The following ZNF532 variants were observed in gnomAD, a reference collection of about 807,000 sequenced individuals.
ZNF532 encodes the protein zinc finger protein 532.
In ZNF532, 22 loss-of-function variants were observed where a neutral mutation model predicts 89.3. The observed-to-expected ratio is 0.25, with a 90% confidence interval of 0.18 to 0.35. The LOEUF (loss-of-function observed/expected upper bound fraction) is 0.35. ZNF532 is among the 10% of genes least tolerant of loss of function. The pLI, the probability that ZNF532 is intolerant of heterozygous loss-of-function variation, is 1.00. For synonymous variants in ZNF532, 606 were observed against 649.6 expected (o/e 0.93, Z 1.02); for missense variants, 1,132 against 1,643.4 (o/e 0.69, Z 5.38).
chr18:58,945,065 G>A (rs1029469970), intron 5 of ZNF532, among the ~76,000 whole-genome samples: 12 of 152,180 alleles, frequency 7.9e-5, no homozygotes, highest in African/African-American at 1.9e-4. Context: ...GTTGTTATGC[G>A]TGTCTTTCTC....
Position 58,920,478 on chromosome 18 carries a change from C to T in ZNF532, c.2191C>T (p.Pro731Ser), listed in dbSNP as rs557781613. The stretch of plus-strand genomic sequence containing the variant: ...CATAACTGGGACAGTCATATCGGCT[C>T]CTTCAAGCACTCCCATCACCCCAGC... ...SGITGTVISA[P>S]SSTPITPAMP... Residue 731 changes from proline (P) to serine (S), a missense_variant, in exon 3 of 10, where the codon CCT becomes TCT. Around this residue, in one of 9 missense-constraint regions of ZNF532, gnomAD observed 100 missense variants for 122.0 expected, o/e 0.82. Coordinates refer to ENST00000591808, the MANE Select transcript of ZNF532 (RefSeq NM_001375912.1). 5 of 1,613,940 alleles carry T rather than the reference C, an allele frequency of 3.1e-6. No homozygotes were observed. In the East Asian group the frequency reaches 6.7e-5, roughly 22 times the overall value.
At chr18:58,979,197 G>A (rs1421219936) in intron 8 of ZNF532, 30 bp downstream of exon 8, 1 of 1,582,422 alleles carries the variant, frequency 6.3e-7, no homozygotes, top group South Asian at 1.1e-5. Flanking sequence ...GGAACGCAGT[G>A]AGAGGACTCA....
intron 7 of ZNF532, among the ~76,000 whole-genome samples, chr18:58,964,535 T>TG (rs2065708267): frequency 1.4e-4 from 19 of 138,630 alleles, no homozygotes; most frequent in Admixed American, 8.0e-4. Flanking sequence ...GATATTTTGT[T>TG]TGTGTGTGTG....
rs1287185690 is a variant in ZNF532, at chr18:58,986,175, G to A, written c.*1709G>A. On this transcript the variant is annotated 3_prime_UTR_variant, in exon 10 of 10. Coordinates refer to ENST00000591808, the MANE Select transcript of ZNF532 (RefSeq NM_001375912.1). ...GTGAATTTCAGCTTGAAATTCCATT[G>A]CTGTTCCTTGTTTTGTTTGTATTGC... The A allele has an allele frequency of 6.6e-6, 1 of 152,618 alleles. No homozygotes were observed. The highest frequency in any genetic ancestry group is 1.5e-5 in the Non-Finnish European group (1 of 68,038). 9.5% of individuals were successfully genotyped at this position (152,618 alleles called of 1,614,324 possible).
At chr18:58,957,010 C>G (rs2064846479) in intron 7 of ZNF532, among the ~76,000 whole-genome samples, 1 of 152,104 alleles carries the variant, frequency 6.6e-6, no homozygotes, top group South Asian at 2.1e-4. Context: ...ATTAATAGAC[C>G]AAGAATGAGT....
chr18:58,971,061 G>T (rs1219425349), intron 7 of ZNF532, among the ~76,000 whole-genome samples: 1 of 152,158 alleles, frequency 6.6e-6, no homozygotes, highest in Non-Finnish European at 1.5e-5. Flanking sequence ...TTACTGTTCT[G>T]CGTCATTACT....
At chr18:58,875,007 A>G (rs1725073323) in intron 2 of ZNF532, among the ~76,000 whole-genome samples, 1 of 152,174 alleles carries the variant, frequency 6.6e-6, no homozygotes, top group African/African-American at 2.4e-5. Flanking sequence ...CACTTGAAAT[A>G]TGGCAAATCC....
At chr18:58,888,892 TA>T (rs1568249340) in intron 2 of ZNF532, among the ~76,000 whole-genome samples, 5 of 30,332 alleles carry the variant, frequency 1.6e-4, no homozygotes, top group African/African-American at 8.6e-4. Flanking sequence ...ATATATATTT[TA>T]TATATATATA....
intron 7 of ZNF532, among the ~76,000 whole-genome samples, chr18:58,956,823 C>A (rs1268805451): frequency 6.6e-6 from 1 of 152,096 alleles, no homozygotes; most frequent in Non-Finnish European, 1.5e-5. Context: ...TGTGGAATAC[C>A]ACTCTCTCCT....
rs538578433 is a variant in ZNF532 at position 58,926,454 on chromosome 18, T to C, written c.2346+5821T>C. Among the ~76,000 whole-genome samples the C allele has an allele frequency of 3.3e-5, 5 of 152,212 alleles. No homozygotes were observed. In the East Asian group the frequency reaches 5.8e-4, roughly 18 times the overall value. ...CTGGGTTCAAGAGATTCTCCTGCCT[T>C]AGCCTCCCGAGTAGCTGGGATTACA... On this transcript the variant is annotated intron_variant, in intron 3 of 9. Transcript: ENST00000591808.
chr18:58,938,197 C>A (rs1388838736), intron 4 of ZNF532, among the ~76,000 whole-genome samples: 1 of 152,132 alleles, frequency 6.6e-6, no homozygotes, highest in Non-Finnish European at 1.5e-5. Context: ...TGCAGTCTTC[C>A]TTCCCTGGGT....
chr18:58,911,492 G>A (rs991288546), intron 2 of ZNF532, among the ~76,000 whole-genome samples: 3 of 152,158 alleles, frequency 2.0e-5, no homozygotes, highest in African/African-American at 4.8e-5. Flanking sequence ...ACTTGGGAGG[G>A]GAGGCTGGAG....
At chr18:58,929,860 A>G (rs923318574) in intron 3 of ZNF532, among the ~76,000 whole-genome samples, 5 of 152,218 alleles carry the variant, frequency 3.3e-5, no homozygotes, top group Admixed American at 2.6e-4. Context: ...TCTCAGTGTG[A>G]AATTGGACAA....
intron 8 of ZNF532, 180 bp downstream of exon 8, chr18:58,979,347 A>T (rs554686232): frequency 4.3e-5 from 14 of 324,302 alleles, no homozygotes; most frequent in South Asian, 9.5e-5. Context: ...ATATGAAAAT[A>T]AAAAAAAAAG....
At chr18:58,942,321 C>CCCTCCCTCCCTCCCTCCCTT (rs1214523904) in intron 5 of ZNF532, among the ~76,000 whole-genome samples, 4 of 33,682 alleles carry the variant, frequency 1.2e-4, no homozygotes, top group East Asian at 1.5e-3. Flanking sequence ...CGCGCCTGGC[C>CCCTCCCTCCCTCCCTCCCTT]CCTCCCTCCC....
intron 7 of ZNF532, among the ~76,000 whole-genome samples, chr18:58,963,280 C>T (rs117105851): frequency 1.3e-5 from 2 of 152,326 alleles, no homozygotes; most frequent in East Asian, 3.9e-4. Context: ...TAGATTTCAT[C>T]TGCATTTTCC....
chr18:58,930,164 A>T (rs1398760820), intron 3 of ZNF532, among the ~76,000 whole-genome samples: 1 of 152,200 alleles, frequency 6.6e-6, no homozygotes, highest in Non-Finnish European at 1.5e-5. Flanking sequence ...AAAAACACGT[A>T]GAATTATTTT....
At chr18:58,933,299 A>G (rs1490871540) in intron 3 of ZNF532, among the ~76,000 whole-genome samples, 23 of 152,180 alleles carry the variant, frequency 1.5e-4, no homozygotes, top group Non-Finnish European at 1.5e-5. Flanking sequence ...GAGAAAATCA[A>G]GAAAGAATTT....
At chr18:58,920,675 G>A (rs373712331) in intron 3 of ZNF532, 42 bp downstream of exon 3, 8 of 1,510,160 alleles carry the variant, frequency 5.3e-6, no homozygotes, top group Non-Finnish European at 7.1e-6. Context: ...TGATGAGTCT[G>A]TAGGCATGAG....
Sources: gnomAD v4.1 joint callset for allele counts (sites outside exome capture counted in the v4.1 genomes callset) on GRCh38, gnomAD v4.1.1 for gene constraint, gnomAD v4.1.1 regional missense constraint, MANE v1.5 for transcripts, NCBI Gene and HGNC (gene_info 2026-07-23, HGNC 2026-07-21) for gene names.